Variants in EPHA5 observed in about 807,000 individuals in gnomAD.
The protein encoded by EPHA5 is ephrin type-A receptor 5.
In EPHA5, 60 loss-of-function variants were observed where a neutral mutation model predicts 105.0. The observed-to-expected ratio is 0.57, with a 90% CI of 0.46 to 0.71. The LOEUF (loss-of-function observed/expected upper bound fraction) is 0.71. Among genes scored for constraint, EPHA5 ranks in the 30% least tolerant of loss-of-function variants. EPHA5 has a pLI of 0.00. For synonymous variants in EPHA5, 513 were observed against 449.1 expected (o/e 1.14, Z -1.80); for missense variants, 1,218 against 1,274.7 (o/e 0.96, Z 0.68).
At chr4:65,407,297 C>T (rs536435189) in intron 7 of EPHA5, among the ~76,000 whole-genome samples, 1 of 152,064 alleles carries the variant, frequency 6.6e-6, no homozygotes, top group East Asian at 1.9e-4. Context: ...AGGAAGAGTC[C>T]ACAATTACTC....
chr4:65,420,545 C>T lies in EPHA5; in HGVS notation c.1423G>A (p.Val475Met), dbSNP rs780288067. Residue 475 changes from valine to methionine, a missense_variant, in exon 6 of 17, where the codon GTG (valine) becomes ATG (methionine). Transcript: ENST00000613740. Reference sequence around the variant, plus strand: ...TTTTTTGCAATTTTCCCTTTTTTCACATTGGTGACTGGAGATGGAGCTGCA... The same window carrying T: ...TTTTTTGCAATTTTCCCTTTTTTCATATTGGTGACTGGAGATGGAGCTGCA... Reference protein sequence around the residue: ...NQAAPSPVTNVKKGKIAKNSI... With the variant: ...NQAAPSPVTNMKKGKIAKNSI... The T allele has an allele frequency of 1.5e-5, 24 of 1,612,740 alleles. No homozygotes were observed. In the African/African-American group the frequency reaches 3.2e-4, roughly 22 times the overall value.
chr4:65,481,257 AG>A (rs1730335906), intron 5 of EPHA5, among the ~76,000 whole-genome samples: 1 of 152,234 alleles, frequency 6.6e-6, no homozygotes. Context: ...TATAGTGGAA[AG>A]GATGACATAG....
At chr4:65,514,911 T>C (rs1286181693) in intron 3 of EPHA5, among the ~76,000 whole-genome samples, 2 of 152,080 alleles carry the variant, frequency 1.3e-5, no homozygotes, top group African/African-American at 4.8e-5. Flanking sequence ...AATCATCCTA[T>C]CCCTTTCCTA....
intron 2 of EPHA5, among the ~76,000 whole-genome samples, chr4:65,624,406 C>A (rs755406206): frequency 6.6e-6 from 1 of 152,118 alleles, no homozygotes; most frequent in Non-Finnish European, 1.5e-5. Context: ...GGTTGCCACA[C>A]GTTGATGGAT....
chr4:65,467,529 CA>C (rs1221599045), intron 5 of EPHA5, among the ~76,000 whole-genome samples: 1 of 152,160 alleles, frequency 6.6e-6, no homozygotes, highest in African/African-American at 2.4e-5. Context: ...AAGCCTGAGC[CA>C]GCCTGCTGCA....
chr4:65,422,567 T>C (rs1366118790), intron 5 of EPHA5, among the ~76,000 whole-genome samples: 1 of 152,046 alleles, frequency 6.6e-6, no homozygotes, highest in African/African-American at 2.4e-5. Context: ...TGTATAAGGA[T>C]AGAAAAAAGT....
At chr4:65,656,884 T>C (rs1749119641) in intron 1 of EPHA5, among the ~76,000 whole-genome samples, 1 of 151,114 alleles carries the variant, frequency 6.6e-6, no homozygotes, top group African/African-American at 2.4e-5. Flanking sequence ...ATTAGGAGAA[T>C]CTAATATTAA....
At chr4:65,375,389 G>T (rs866782792) in intron 8 of EPHA5, among the ~76,000 whole-genome samples, 1 of 151,500 alleles carries the variant, frequency 6.6e-6, no homozygotes, top group Non-Finnish European at 1.5e-5. Context: ...GAAAGATATT[G>T]TCATCTTCAG....
chr4:65,528,019 T>TATTA (rs1735406256), intron 3 of EPHA5, among the ~76,000 whole-genome samples: 1 of 152,138 alleles, frequency 6.6e-6, no homozygotes, highest in Non-Finnish European at 1.5e-5. Flanking sequence ...AAGAGTTTAA[T>TATTA]ATTACCAGAC....
chr4:65,631,166 C>T (rs1746596362), intron 2 of EPHA5, among the ~76,000 whole-genome samples: 1 of 152,080 alleles, frequency 6.6e-6, no homozygotes, highest in Non-Finnish European at 1.5e-5. Context: ...AAATTACAAT[C>T]CTTTAGTCTG....
intron 3 of EPHA5, among the ~76,000 whole-genome samples, chr4:65,599,942 G>A (rs1743550853): frequency 6.6e-6 from 1 of 152,116 alleles, no homozygotes; most frequent in Non-Finnish European, 1.5e-5. Flanking sequence ...TCGAAACATG[G>A]AGAGAGGCCT....
chr4:65,499,687 A>C (rs192231550), intron 3 of EPHA5, among the ~76,000 whole-genome samples: 6 of 151,600 alleles, frequency 4.0e-5, no homozygotes, highest in Non-Finnish European at 8.9e-5. Flanking sequence ...AAAACTCTTT[A>C]AAGGCAGTCT....
At chr4:65,376,926 A>C in intron 8 of EPHA5, 1 of 1,351,836 alleles carries the variant, frequency 7.4e-7, no homozygotes, top group Non-Finnish European at 9.9e-7. Context: ...AAATGGAGAA[A>C]GAAAAGGAAT....
intron 5 of EPHA5, among the ~76,000 whole-genome samples, chr4:65,422,307 C>T (rs1159939531): frequency 6.6e-6 from 1 of 152,044 alleles, no homozygotes; most frequent in Non-Finnish European, 1.5e-5. Flanking sequence ...AATGATGATG[C>T]ACAAATTGTG....
intron 8 of EPHA5, among the ~76,000 whole-genome samples, chr4:65,381,401 A>G (rs2148930484): frequency 6.6e-6 from 1 of 151,906 alleles, no homozygotes; most frequent in Middle Eastern, 3.4e-3. Context: ...CATTCATTGC[A>G]TTATGGAAAA....
At chr4:65,597,485 T>C (rs1743302872) in intron 3 of EPHA5, among the ~76,000 whole-genome samples, 1 of 127,944 alleles carries the variant, frequency 7.8e-6, no homozygotes, top group Admixed American at 7.4e-5. Flanking sequence ...ACATGAGTCT[T>C]AAGGGGAAAA....
chr4:65,534,295 C>A (rs1337131348), intron 3 of EPHA5, among the ~76,000 whole-genome samples: 1 of 151,980 alleles, frequency 6.6e-6, no homozygotes, highest in African/African-American at 2.4e-5. Context: ...CAATAATAAA[C>A]AATCACAATA....
chr4:65,485,347 A>G (rs1252166087), intron 5 of EPHA5, among the ~76,000 whole-genome samples: 3 of 151,360 alleles, frequency 2.0e-5, no homozygotes, highest in Non-Finnish European at 4.4e-5. Flanking sequence ...CCCCTTTTAC[A>G]TTTGCTTATT....
chr4:65,367,647 A>G (rs1442013487), intron 8 of EPHA5, among the ~76,000 whole-genome samples: 2 of 152,046 alleles, frequency 1.3e-5, no homozygotes, highest in Non-Finnish European at 2.9e-5. Flanking sequence ...GAGGAGCCTG[A>G]AGCCATCCAA....
Sources: gnomAD v4.1 joint callset for allele counts (sites outside exome capture counted in the v4.1 genomes callset) on GRCh38, gnomAD v4.1.1 for gene constraint, MANE v1.5 for transcripts, NCBI Gene and HGNC (gene_info 2026-07-23, HGNC 2026-07-21) for gene names.